TMEM245: variants seen among roughly 807,000 people sequenced by gnomAD.
TMEM245 encodes the protein protein CG-2.
In TMEM245, 69 loss-of-function variants were observed where a neutral mutation model predicts 101.2. The ratio of observed to expected loss-of-function variants is 0.68; its 90% CI spans 0.56 to 0.83. TMEM245 has a LOEUF of 0.83. Among genes scored for constraint, TMEM245 ranks in the 40% least tolerant of loss-of-function variants. The probability of loss-of-function intolerance (pLI) is 0.00; values close to 1 mark genes in which losing one functional copy is unlikely to be tolerated. For missense variants in TMEM245, 1,075 were observed against 1,092.8 expected (o/e 0.98, Z 0.23); for synonymous variants, 537 against 449.8 (o/e 1.19, Z -2.45).
At chr9:109,117,579 C>T (rs1830758054) in intron 1 of TMEM245, among the ~76,000 whole-genome samples, 1 of 152,146 alleles carries the variant, frequency 6.6e-6, no homozygotes. Flanking sequence ...CAAAGGTATA[C>T]GCCGAGCTGT....
intron 1 of TMEM245, among the ~76,000 whole-genome samples, chr9:109,117,744 T>C (rs1012237049): frequency 1.3e-5 from 2 of 152,260 alleles, no homozygotes; most frequent in African/African-American, 4.8e-5. Context: ...TCTTTTCTAC[T>C]TTCCTATAGT....
At chr9:109,072,221 T>C (rs1440173704) in intron 9 of TMEM245, among the ~76,000 whole-genome samples, 1 of 149,720 alleles carries the variant, frequency 6.7e-6, no homozygotes, top group Non-Finnish European at 1.5e-5. Context: ...TGCTCTCTTA[T>C]CTGTAAACAC....
At chr9:109,054,679 A>C (rs985245558) in intron 12 of TMEM245, among the ~76,000 whole-genome samples, 1 of 152,240 alleles carries the variant, frequency 6.6e-6, no homozygotes, top group African/African-American at 2.4e-5. Context: ...AGAAATGTTG[A>C]GTTCTCTAGA....
intron 17 of TMEM245, among the ~76,000 whole-genome samples, chr9:109,020,856 AG>A (rs1827600551): frequency 6.6e-6 from 1 of 152,246 alleles, no homozygotes; most frequent in African/African-American, 2.4e-5. Flanking sequence ...ACTGGCTGGA[AG>A]TGGATATGAT....
chr9:109,070,264 C>A (rs1439065032), intron 9 of TMEM245, among the ~76,000 whole-genome samples: 1 of 152,190 alleles, frequency 6.6e-6, no homozygotes, highest in Non-Finnish European at 1.5e-5. Flanking sequence ...CGCATACCTA[C>A]ATAGTCAACA....
chr9:109,116,882 CA>C (rs894959265), intron 1 of TMEM245, among the ~76,000 whole-genome samples: 1 of 152,108 alleles, frequency 6.6e-6, no homozygotes, highest in African/African-American at 2.4e-5. Flanking sequence ...AAGTACACCT[CA>C]CCCCCATCCA....
intron 9 of TMEM245, among the ~76,000 whole-genome samples, chr9:109,069,999 TTC>T (rs1311558045): frequency 7.2e-5 from 11 of 152,344 alleles, no homozygotes; most frequent in African/African-American, 2.6e-4. Flanking sequence ...TCTCAAAACG[TTC>T]TCTTTCCTTG....
intron 15 of TMEM245, 121 bp from the exon 16 acceptor site, chr9:109,036,501 A>T (rs759547793): frequency 2.2e-5 from 21 of 947,734 alleles, no homozygotes; most frequent in Non-Finnish European, 3.0e-5. Flanking sequence ...ATACTCACAA[A>T]CTCAAATATT....
chr9:109,061,333 C>G (rs1337842506), intron 10 of TMEM245, among the ~76,000 whole-genome samples: 1 of 151,924 alleles, frequency 6.6e-6, no homozygotes, highest in Non-Finnish European at 1.5e-5. Context: ...AAAACAAAAA[C>G]CCAAAGAATT....
intron 1 of TMEM245, among the ~76,000 whole-genome samples, chr9:109,110,454 T>C (rs532827930): frequency 1.3e-5 from 2 of 152,258 alleles, no homozygotes; most frequent in African/African-American, 4.8e-5. Flanking sequence ...TGCACTTTTC[T>C]AATCTTAAGG....
chr9:109,024,160 T>C (rs1827725158), intron 17 of TMEM245, among the ~76,000 whole-genome samples: 1 of 152,192 alleles, frequency 6.6e-6, no homozygotes, highest in South Asian at 2.1e-4. Context: ...TGCCTGAAAG[T>C]TGTAACTAAC....
In TMEM245 at chr9:109,119,773, G is replaced by T; in HGVS notation, c.141C>A (p.Asp47Glu). 1.3e-6 allele frequency: 2 copies of T among 1,490,912 alleles called. No individual in the cohort carries two copies. Among genetic ancestry groups the T allele is most frequent in the Non-Finnish European group, 1.8e-6 (2 of 1,124,522 alleles). 92.4% of individuals were successfully genotyped at this position (1,490,912 alleles called of 1,614,324 possible). A position where few individuals can be genotyped will look rare whatever the true frequency, so the allele number is the denominator to read the frequency against. ...TGTAGAAGGCCTGCTTAATGGGCTT[G>T]TCGAAGCGCAGCGCCAGCGCCGCGG... Reference protein sequence around the residue: ...PRTAALALRFDKPIKQAFYNT... With the variant: ...PRTAALALRFEKPIKQAFYNT... The change falls in exon 1 of 18, where the codon GAC becomes GAA. Residue 47 changes from aspartate to glutamate, a missense_variant. Around this residue, in one of 2 missense-constraint regions of TMEM245, gnomAD observed 808 missense variants for 741.5 expected, o/e 1.09. Coordinates refer to ENST00000374586, the MANE Select transcript of TMEM245 (RefSeq NM_032012.4).
chr9:109,085,023 A>G (rs1829790537), intron 7 of TMEM245, among the ~76,000 whole-genome samples: 1 of 152,218 alleles, frequency 6.6e-6, no homozygotes, highest in South Asian at 2.1e-4. Flanking sequence ...TATTTCCACA[A>G]AAGACATATA....
chr9:109,112,809 G>A (rs1007550401), intron 1 of TMEM245, among the ~76,000 whole-genome samples: 1 of 152,034 alleles, frequency 6.6e-6, no homozygotes, highest in African/African-American at 2.4e-5. Context: ...CGGGCGCGGT[G>A]GCTCATGCCT....
At chr9:109,115,718 C>T (rs1156323887) in intron 1 of TMEM245, among the ~76,000 whole-genome samples, 8 of 151,570 alleles carry the variant, frequency 5.3e-5, no homozygotes, top group East Asian at 1.9e-4. Context: ...TTAGTAGAGA[C>T]GGGGTTTCAC....
chr9:109,063,147 A>T (rs1329383622), intron 10 of TMEM245, among the ~76,000 whole-genome samples: 1 of 151,496 alleles, frequency 6.6e-6, no homozygotes, highest in Non-Finnish European at 1.5e-5. Flanking sequence ...TTTGAGATGG[A>T]GTTTCTCCGT....
At chr9:109,066,278 A>C (rs1475774940) in intron 9 of TMEM245, among the ~76,000 whole-genome samples, 5 of 151,938 alleles carry the variant, frequency 3.3e-5, no homozygotes, top group Non-Finnish European at 7.4e-5. Flanking sequence ...ACAAGGCAAA[A>C]CCCCGTCTCT....
intron 1 of TMEM245, among the ~76,000 whole-genome samples, chr9:109,108,833 C>A (rs560869482): frequency 1.3e-5 from 2 of 152,146 alleles, no homozygotes; most frequent in South Asian, 2.1e-4. Context: ...CCATCTTATA[C>A]ACAAAAATGC....
At chr9:109,094,441 A>C (rs879279410) in intron 3 of TMEM245, among the ~76,000 whole-genome samples, 1 of 152,246 alleles carries the variant, frequency 6.6e-6, no homozygotes, top group Admixed American at 6.5e-5. Context: ...GAAGTGGCAC[A>C]CTGTAATTTG....
Sources: allele counts gnomAD v4.1 joint callset (sites outside exome capture counted in the v4.1 genomes callset), GRCh38; gene constraint gnomAD v4.1.1; regional missense constraint gnomAD v4.1.1; transcripts MANE v1.5; gene names NCBI Gene and HGNC (gene_info 2026-07-23, HGNC 2026-07-21).